KIF26B: variants seen among roughly 807,000 people sequenced by gnomAD.
The protein encoded by KIF26B is kinesin-like protein KIF26B.
In KIF26B, 63 loss-of-function variants were observed where a neutral mutation model predicts 151.2. The ratio of observed to expected loss-of-function variants is 0.42; its 90% CI spans 0.34 to 0.51. The LOEUF is 0.51. Ranked by LOEUF, KIF26B falls within the 20% of genes least tolerant of loss-of-function variation. The pLI, the probability that KIF26B is intolerant of heterozygous loss-of-function variation, is 0.07. For missense variants in KIF26B, 2,813 were observed against 2,913.6 expected, an observed-to-expected ratio of 0.97 and a Z score of 0.79; for synonymous variants, 1,357 against 1,262.1, an observed-to-expected ratio of 1.08 and a Z score of -1.59.
chr1:245,336,616 C>G (rs1032744781), intron 2 of KIF26B, among the ~76,000 whole-genome samples: 4 of 152,200 alleles, frequency 2.6e-5, no homozygotes, highest in Non-Finnish European at 5.9e-5. Context: ...GCCCTGTGAG[C>G]ACTCATTCTT....
intron 2 of KIF26B, among the ~76,000 whole-genome samples, chr1:245,270,940 G>A (rs73128840): frequency 0.013 from 1,979 of 152,246 alleles, 42 homozygotes; most frequent in African/African-American, 0.045. Flanking sequence ...TTATGTATGC[G>A]TAAGATAAGG....
At chr1:245,580,796 T>G (rs2043168284) in intron 5 of KIF26B, among the ~76,000 whole-genome samples, 1 of 152,224 alleles carries the variant, frequency 6.6e-6, no homozygotes, top group South Asian at 2.1e-4. Context: ...CTTGGATGGA[T>G]ACAGCGCATG....
At chr1:245,205,579 T>C (rs1340251465) in intron 2 of KIF26B, among the ~76,000 whole-genome samples, 1 of 152,172 alleles carries the variant, frequency 6.6e-6, no homozygotes, top group African/African-American at 2.4e-5. Flanking sequence ...AACCTTATGG[T>C]ATGGCTGGTA....
At chr1:245,313,687 G>A (rs752065788) in intron 2 of KIF26B, among the ~76,000 whole-genome samples, 2 of 152,146 alleles carry the variant, frequency 1.3e-5, no homozygotes, top group Admixed American at 6.6e-5. Flanking sequence ...GGAATTAATC[G>A]GGAAGAAAGT....
At chr1:245,679,474 T>TTTTTTTTTTTG (rs2044402765) in intron 10 of KIF26B, among the ~76,000 whole-genome samples, 1 of 138,112 alleles carries the variant, frequency 7.2e-6, no homozygotes, top group Non-Finnish European at 1.6e-5. Flanking sequence ...TTTTTTTTTT[T>TTTTTTTTTTTG]TTTTTTTTTT....
At chr1:245,662,495 A>G (rs1485565665) in intron 10 of KIF26B, among the ~76,000 whole-genome samples, 1 of 150,104 alleles carries the variant, frequency 6.7e-6, no homozygotes, top group African/African-American at 2.5e-5. Context: ...CAATATATAT[A>G]TATGTACACC....
At chr1:245,376,066 A>G (rs1230769506) in intron 3 of KIF26B, among the ~76,000 whole-genome samples, 2 of 151,338 alleles carry the variant, frequency 1.3e-5, no homozygotes, top group Non-Finnish European at 2.9e-5. Context: ...TGCAGAAATC[A>G]TTCCAAGCTG....
intron 2 of KIF26B, among the ~76,000 whole-genome samples, chr1:245,215,529 TCTC>T (rs767270764): frequency 3.3e-4 from 50 of 152,246 alleles, no homozygotes; most frequent in Non-Finnish European, 5.6e-4. Context: ...AGTGGAGGCT[TCTC>T]CTCCTCTGGA....
At chr1:245,576,257 C>T (rs1434649132) in intron 5 of KIF26B, among the ~76,000 whole-genome samples, 5 of 152,336 alleles carry the variant, frequency 3.3e-5, no homozygotes, top group African/African-American at 7.2e-5. Context: ...CGGGACGCAG[C>T]GTTCCCATTC....
intron 10 of KIF26B, among the ~76,000 whole-genome samples, chr1:245,663,400 G>GTTTA (rs2044179424): frequency 6.7e-6 from 1 of 150,070 alleles, no homozygotes; most frequent in Admixed American, 6.6e-5. Flanking sequence ...ATTTTTTTTT[G>GTTTA]TTTATTTCTT....
At chr1:245,302,850 G>A (rs956374589) in intron 2 of KIF26B, among the ~76,000 whole-genome samples, 1 of 151,792 alleles carries the variant, frequency 6.6e-6, no homozygotes, top group African/African-American at 2.4e-5. Context: ...TTAGCTGGGC[G>A]TGGTGGCGGG....
Position 245,516,298 on chromosome 1 carries a change from T to C in KIF26B, c.1167-24469T>C, listed in dbSNP as rs1660961709. ...TCTGTTTTTCCTTCAGAAAATGCTA[T>C]TTGCAGAACGGCAACAACAAAACGT... On this transcript the variant is annotated intron_variant, in intron 4 of 14. Coordinates refer to ENST00000407071, the MANE Select transcript of KIF26B (RefSeq NM_018012.4). This position sits in a 1 kb window ranked among gnomAD's most constrained non-coding sequence, Gnocchi z 4.2. Among the ~76,000 whole-genome samples, 1 of 152,184 alleles carries C rather than the reference T, an allele frequency of 6.6e-6. No homozygotes were observed. The highest frequency in any genetic ancestry group is 2.4e-5 in the African/African-American group (1 of 41,434).
chr1:245,675,202 G>A (rs2044343759), intron 10 of KIF26B, among the ~76,000 whole-genome samples: 1 of 152,196 alleles, frequency 6.6e-6, no homozygotes, highest in Admixed American at 6.5e-5. Flanking sequence ...GATGGTACAC[G>A]TGGAGCACTG....
At chr1:245,676,887 T>C (rs1433790039) in intron 10 of KIF26B, among the ~76,000 whole-genome samples, 1 of 152,104 alleles carries the variant, frequency 6.6e-6, no homozygotes, top group Non-Finnish European at 1.5e-5. Flanking sequence ...ATCACTTCTC[T>C]CCTGCCTGTC....
intron 4 of KIF26B, among the ~76,000 whole-genome samples, chr1:245,457,756 T>G (rs1292793139): frequency 6.6e-6 from 1 of 152,246 alleles, no homozygotes; most frequent in Non-Finnish European, 1.5e-5. Context: ...TTGATCCATT[T>G]TAATAGTATT....
chr1:245,321,920 A>G (rs887104881), intron 2 of KIF26B, among the ~76,000 whole-genome samples: 1 of 152,208 alleles, frequency 6.6e-6, no homozygotes, highest in Non-Finnish European at 1.5e-5. Context: ...TGTGGCCACA[A>G]CTAGACTGTG....
intron 10 of KIF26B, among the ~76,000 whole-genome samples, chr1:245,649,748 G>A (rs2043994678): frequency 6.8e-6 from 1 of 147,400 alleles, no homozygotes; most frequent in African/African-American, 2.5e-5. Flanking sequence ...CTCTGTACTT[G>A]GAACCTGCAT....
chr1:245,413,522 G>A (rs1558156207), intron 3 of KIF26B, among the ~76,000 whole-genome samples: 1 of 152,094 alleles, frequency 6.6e-6, no homozygotes, highest in African/African-American at 2.4e-5. Flanking sequence ...AATTAGCTGG[G>A]CATGGTGGCG....
chr1:245,691,511 C>T lies in KIF26B; in HGVS notation c.5824+2704C>T, dbSNP rs540179069. On this transcript the variant is annotated intron_variant, in intron 12 of 14. Transcript: ENST00000407071. ...CTGGTTTCAGGTTAGGTGACCTTGT[C>T]TGGCTTATTTATGATTATTATTAAG... is the stretch of plus-strand genomic sequence containing the variant. Among the ~76,000 whole-genome samples, 10 of 152,286 alleles carry T rather than the reference C, an allele frequency of 6.6e-5. No individual in the cohort carries two copies. In the South Asian group the frequency reaches 2.1e-3, roughly 32 times the overall value.
Sources: allele counts gnomAD v4.1 joint callset (sites outside exome capture counted in the v4.1 genomes callset), GRCh38; gene constraint gnomAD v4.1.1; non-coding constraint Gnocchi (gnomAD v3.1); transcripts MANE v1.5; gene names NCBI Gene and HGNC (gene_info 2026-07-23, HGNC 2026-07-21).